The following DNAH9 variants were observed in gnomAD, a reference collection of about 807,000 sequenced individuals.
The protein encoded by DNAH9 is DNAH9 variant protein.
In DNAH9, 345 loss-of-function variants were observed where a neutral mutation model predicts 471.6. The observed-to-expected ratio is 0.73, with a 90% CI of 0.67 to 0.80. The LOEUF is 0.80. Ranked by LOEUF, DNAH9 falls within the 30% of genes least tolerant of loss-of-function variation. DNAH9 has a pLI of 0.00. For missense variants in DNAH9, 5,407 were observed against 5,609.2 expected (o/e 0.96, Z 1.15); for synonymous variants, 2,093 against 2,123.6 (o/e 0.99, Z 0.40).
At chr17:11,820,495 C>T (rs926873760) in intron 45 of DNAH9, among the ~76,000 whole-genome samples, 1 of 151,714 alleles carries the variant, frequency 6.6e-6, no homozygotes, top group Non-Finnish European at 1.5e-5. Flanking sequence ...TTTCTACAAA[C>T]AAAAAGTAAC....
intron 5 of DNAH9, among the ~76,000 whole-genome samples, chr17:11,618,373 G>A (rs915833367): frequency 6.6e-6 from 1 of 151,984 alleles, no homozygotes; most frequent in African/African-American, 2.4e-5. Flanking sequence ...AGATCACGAG[G>A]TCAAGAGATC....
At chr17:11,801,020 T>C (rs919276647) in intron 43 of DNAH9, among the ~76,000 whole-genome samples, 1 of 152,208 alleles carries the variant, frequency 6.6e-6, no homozygotes. Context: ...TAAAACGACA[T>C]GTAGCTCAAC....
intron 61 of DNAH9, 87 bp from the exon 62 acceptor site, chr17:11,923,727 G>A: frequency 6.5e-7 from 1 of 1,535,016 alleles, no homozygotes; most frequent in South Asian, 1.2e-5. Flanking sequence ...TTTGAGGGGT[G>A]ATCTGAGCGT....
At chr17:11,699,616 G>A (rs921971418) in intron 22 of DNAH9, 115 bp from the exon 23 acceptor site, 2 of 863,434 alleles carry the variant, frequency 2.3e-6, no homozygotes, top group African/African-American at 3.3e-5. Flanking sequence ...CTAAATGCTT[G>A]GTATCCACCA....
At chr17:11,844,366 G>A (rs918602640) in intron 49 of DNAH9, among the ~76,000 whole-genome samples, 1 of 152,064 alleles carries the variant, frequency 6.6e-6, no homozygotes. Flanking sequence ...TTATTACAAC[G>A]TGAAGAAAGA....
At chr17:11,776,334 C>G (rs1033270646) in intron 38 of DNAH9, among the ~76,000 whole-genome samples, 1 of 148,138 alleles carries the variant, frequency 6.8e-6, no homozygotes, top group Non-Finnish European at 1.5e-5. Context: ...GCTGCTGTAT[C>G]AGCCATCACA....
chr17:11,924,563 A>C (rs367822737), intron 62 of DNAH9, among the ~76,000 whole-genome samples: 30 of 149,654 alleles, frequency 2.0e-4, no homozygotes, highest in African/African-American at 7.2e-4. Flanking sequence ...CCCCTATTAA[A>C]TTATTTCATT....
intron 56 of DNAH9, 62 bp from the exon 57 acceptor site, chr17:11,886,763 A>G: frequency 1.3e-6 from 2 of 1,548,658 alleles, no homozygotes; most frequent in Non-Finnish European, 1.7e-6. Flanking sequence ...AGAGGGGCCA[A>G]GTTGATTCTC....
intron 15 of DNAH9, among the ~76,000 whole-genome samples, chr17:11,667,574 C>G (rs1193860928): frequency 2.0e-5 from 3 of 152,144 alleles, no homozygotes; most frequent in African/African-American, 7.2e-5. Context: ...ACTCCATCAA[C>G]AATATGGTTT....
chr17:11,955,442 C>T (rs749045383), intron 67 of DNAH9, among the ~76,000 whole-genome samples: 19 of 151,908 alleles, frequency 1.3e-4, no homozygotes, highest in Admixed American at 2.6e-4. Context: ...TAAATATAAA[C>T]GGCTTAAGTG....
At chr17:11,836,706 T>G (rs1350763401) in intron 49 of DNAH9, among the ~76,000 whole-genome samples, 3 of 152,182 alleles carry the variant, frequency 2.0e-5, no homozygotes, top group Non-Finnish European at 4.4e-5. Flanking sequence ...TTACCCAAAT[T>G]GCGAAATCAA....
At chr17:11,652,690 T>G in intron 13 of DNAH9, 71 bp from the exon 14 acceptor site, 1 of 1,434,946 alleles carries the variant, frequency 7.0e-7, no homozygotes, top group Non-Finnish European at 9.6e-7. Flanking sequence ...TCCCTGTCTT[T>G]CATAGCAACT....
At chr17:11,847,909 G>A (rs561035223) in intron 49 of DNAH9, among the ~76,000 whole-genome samples, 137 of 152,044 alleles carry the variant, frequency 9.0e-4, no homozygotes, top group African/African-American at 2.7e-3. Flanking sequence ...TCATTTCTTC[G>A]GCCTCCACCT....
At chr17:11,724,902 C>T (rs541666150) in intron 27 of DNAH9, among the ~76,000 whole-genome samples, 1 of 152,230 alleles carries the variant, frequency 6.6e-6, no homozygotes, top group South Asian at 2.1e-4. Context: ...TCAGTGGGGG[C>T]CCTGGTCTTC....
At chr17:11,815,308 G>T (rs545895789) in intron 45 of DNAH9, among the ~76,000 whole-genome samples, 13 of 151,860 alleles carry the variant, frequency 8.6e-5, no homozygotes, top group African/African-American at 1.2e-4. Flanking sequence ...ATGTCCAAGA[G>T]ATAATCTATT....
chr17:11,954,789 GAGAGAGAA>G (rs1448068045), intron 67 of DNAH9, among the ~76,000 whole-genome samples: 1 of 97,812 alleles, frequency 1.0e-5, no homozygotes, highest in African/African-American at 3.5e-5. Flanking sequence ...AAAAAAAAAA[GAGAGAGAA>G]AGAAATTTCT....
At chr17:11,930,905 A>C (rs963813473) in intron 63 of DNAH9, among the ~76,000 whole-genome samples, 4 of 152,220 alleles carry the variant, frequency 2.6e-5, no homozygotes, top group African/African-American at 7.2e-5. Context: ...AGAGAGACTC[A>C]GAATATCAAG....
intron 61 of DNAH9, among the ~76,000 whole-genome samples, chr17:11,919,904 G>T (rs1974081016): frequency 6.6e-6 from 1 of 152,146 alleles, no homozygotes; most frequent in Non-Finnish European, 1.5e-5. Flanking sequence ...AATTTAGGAA[G>T]TAGGAAGTGA....
At chr17:11,965,778 T>C (rs897816111) in intron 68 of DNAH9, among the ~76,000 whole-genome samples, 10 of 152,124 alleles carry the variant, frequency 6.6e-5, no homozygotes, top group African/African-American at 2.4e-4. Context: ...AAATTATATA[T>C]GTTTTTAAAA....
Sources: allele counts gnomAD v4.1 joint callset (sites outside exome capture counted in the v4.1 genomes callset), GRCh38; gene constraint gnomAD v4.1.1; transcripts MANE v1.5; gene names NCBI Gene and HGNC (gene_info 2026-07-23, HGNC 2026-07-21).